AFG2A: variants seen among roughly 807,000 people sequenced by gnomAD.
The protein encoded by AFG2A is ATPase family gene 2 protein homolog A.
the AFG2A span, among the ~76,000 whole-genome samples, chr4:123,101,255 C>T: frequency 6.6e-6 from 1 of 151,562 alleles, no homozygotes; most frequent in Non-Finnish European, 1.5e-5. Flanking sequence ...AAAGAGAACT[C>T]CTAAAGAGAA....
At chr4:123,198,268 CA>C in the AFG2A span, among the ~76,000 whole-genome samples, 75,943 of 140,396 alleles carry the variant, frequency 0.54, 22,408 homozygotes, top group Non-Finnish European at 0.67. Context: ...CACTCCGTCT[CA>C]AAAAAAAAAA....
At chr4:123,092,643 G>T in the AFG2A span, among the ~76,000 whole-genome samples, 1 of 152,162 alleles carries the variant, frequency 6.6e-6, no homozygotes, top group Non-Finnish European at 1.5e-5. Flanking sequence ...TGACTAGTTT[G>T]TCTGCTCAGG....
chr4:123,114,839 C>T, the AFG2A span, among the ~76,000 whole-genome samples: 1 of 152,248 alleles, frequency 6.6e-6, no homozygotes, highest in Non-Finnish European at 1.5e-5. Context: ...GTGGCCCTGG[C>T]CAACCCAGCA....
the AFG2A span, among the ~76,000 whole-genome samples, chr4:122,967,899 TAATAA>T: frequency 1.3e-5 from 2 of 152,190 alleles, no homozygotes; most frequent in African/African-American, 4.8e-5. Context: ...CCTGTTTTAG[TAATAA>T]AATATTAAGG....
chr4:123,174,828 T>C, the AFG2A span, among the ~76,000 whole-genome samples: 4 of 112,274 alleles, frequency 3.6e-5, no homozygotes, highest in African/African-American at 1.0e-4. Flanking sequence ...TTAAAAAAAA[T>C]ATATATATAT....
chr4:123,092,079 T>A, the AFG2A span, among the ~76,000 whole-genome samples: 1 of 152,234 alleles, frequency 6.6e-6, no homozygotes, highest in Admixed American at 6.5e-5. Flanking sequence ...TAAAAAATCA[T>A]TCCCTTCCTG....
chr4:123,302,771 C>T, the AFG2A span, among the ~76,000 whole-genome samples: 2 of 152,022 alleles, frequency 1.3e-5, no homozygotes, highest in Admixed American at 1.3e-4. Flanking sequence ...AGTACAGGCA[C>T]CTATGGGACT....
At chr4:123,198,979 GCA>G in the AFG2A span, among the ~76,000 whole-genome samples, 1 of 152,146 alleles carries the variant, frequency 6.6e-6, no homozygotes, top group Non-Finnish European at 1.5e-5. Context: ...CAGACTTGAG[GCA>G]CAATAGTACT....
chr4:123,285,854 T>C, the AFG2A span, among the ~76,000 whole-genome samples: 1 of 152,154 alleles, frequency 6.6e-6, no homozygotes, highest in Non-Finnish European at 1.5e-5. Flanking sequence ...GGATTTTACC[T>C]ACCACATTAG....
the AFG2A span, among the ~76,000 whole-genome samples, chr4:123,073,375 G>T: frequency 6.6e-6 from 1 of 151,386 alleles, no homozygotes; most frequent in Admixed American, 6.6e-5. Context: ...TATTCTTCAT[G>T]AATTATAACT....
chr4:123,073,171 C>CT, the AFG2A span, among the ~76,000 whole-genome samples: 14,140 of 148,132 alleles, frequency 0.095, 851 homozygotes, highest in Middle Eastern at 0.2. Flanking sequence ...AATTCCTATT[C>CT]TTTTTTTTTT....
the AFG2A span, among the ~76,000 whole-genome samples, chr4:123,116,045 G>A: frequency 6.6e-6 from 1 of 151,888 alleles, no homozygotes. Flanking sequence ...GACTACAGGC[G>A]GGTGCCACCA....
chr4:123,299,854 T>C, the AFG2A span, among the ~76,000 whole-genome samples: 2 of 152,210 alleles, frequency 1.3e-5, no homozygotes, highest in Non-Finnish European at 1.5e-5. Context: ...TACCAACTGC[T>C]GCATTTCTAA....
the AFG2A span, among the ~76,000 whole-genome samples, chr4:123,255,426 A>T: frequency 6.6e-6 from 1 of 151,394 alleles, no homozygotes; most frequent in Non-Finnish European, 1.5e-5. Context: ...CTGAGGCAGG[A>T]GAATCTTGCA....
the AFG2A span, among the ~76,000 whole-genome samples, chr4:123,228,664 A>G: frequency 0.14 from 20,687 of 151,932 alleles, 4,189 homozygotes; most frequent in African/African-American, 0.44. Flanking sequence ...CGGAGAGGCA[A>G]CTAGAATTAA....
chr4:122,923,768 A>G, the AFG2A span, among the ~76,000 whole-genome samples: 1 of 152,202 alleles, frequency 6.6e-6, no homozygotes, highest in African/African-American at 2.4e-5. Context: ...TAGTAACTGC[A>G]CACTAGTGTT....
chr4:123,119,555 C>T, the AFG2A span, among the ~76,000 whole-genome samples: 39 of 152,162 alleles, frequency 2.6e-4, no homozygotes, highest in Middle Eastern at 3.4e-3. Context: ...CATCTTTTTC[C>T]CTCATTTTGC....
chr4:123,236,949 A>G, the AFG2A span, among the ~76,000 whole-genome samples: 4 of 152,210 alleles, frequency 2.6e-5, no homozygotes, highest in Admixed American at 2.6e-4. Flanking sequence ...GAAGAAAATA[A>G]TTTGCCTGGA....
the AFG2A span, among the ~76,000 whole-genome samples, chr4:123,209,351 C>G: frequency 6.6e-6 from 1 of 152,168 alleles, no homozygotes; most frequent in East Asian, 1.9e-4. Flanking sequence ...AGGGAGAAAT[C>G]CCCCATATAT....
Sources: gnomAD v4.1 joint callset for allele counts (sites outside exome capture counted in the v4.1 genomes callset) on GRCh38, gnomAD v4.1.1 for gene constraint, MANE v1.5 for transcripts, NCBI Gene and HGNC (gene_info 2026-07-23, HGNC 2026-07-21) for gene names.